Variants in ADGRB3 observed in about 807,000 individuals in gnomAD.
ADGRB3 encodes brain-specific angiogenesis inhibitor 3.
Under a neutral mutation model 193.4 loss-of-function variants are expected in ADGRB3, and 37 were observed. The ratio of observed to expected loss-of-function variants is 0.19; its 90% CI spans 0.15 to 0.25. ADGRB3 has a LOEUF of 0.25. Ranked by LOEUF, ADGRB3 falls within the 10% of genes least tolerant of loss-of-function variation. The probability of loss-of-function intolerance (pLI) is 1.00; values close to 1 mark genes in which losing one functional copy is unlikely to be tolerated. For synonymous variants in ADGRB3, 690 were observed against 644.2 expected, an observed-to-expected ratio of 1.07 and a Z score of -1.08; for missense variants, 1,637 against 1,852.9, an observed-to-expected ratio of 0.88 and a Z score of 2.14.
intron 3 of ADGRB3, among the ~76,000 whole-genome samples, chr6:68,748,732 C>G (rs1045236167): frequency 3.3e-5 from 5 of 152,150 alleles, no homozygotes; most frequent in Non-Finnish European, 5.9e-5. Flanking sequence ...AGGCAGTGCC[C>G]CAGTAGGGCC....
At chr6:69,040,309 CT>C (rs1445274677) in intron 13 of ADGRB3, among the ~76,000 whole-genome samples, 1 of 26,924 alleles carries the variant, frequency 3.7e-5, no homozygotes, top group Non-Finnish European at 7.2e-5. Context: ...TTCTCTGTCT[CT>C]TTCTTTCTTT....
At chr6:69,060,610 G>C (rs1056871270) in intron 15 of ADGRB3, among the ~76,000 whole-genome samples, 1 of 151,850 alleles carries the variant, frequency 6.6e-6, no homozygotes, top group African/African-American at 2.4e-5. Flanking sequence ...TAATCATTGG[G>C]TTTTATTAAA....
chr6:69,306,296 A>G lies in ADGRB3; in HGVS notation c.2815-18576A>G, dbSNP rs544829643. 8.6e-5 allele frequency among the ~76,000 whole-genome samples: 10 copies of G among 116,266 alleles called. 1 individual carries two copies. Among genetic ancestry groups the G allele is most frequent in the African/African-American group, 9.4e-5 (2 of 21,290 alleles). The allele number at this position is 116,266 out of a possible 152,430, so 76.3% of individuals were successfully genotyped here. ...TTGTCACGATATATTGCCATATAACATGTAACTTCTTAAAAATCAAGACCA... is the reference window on the plus strand; with the variant it reads ...TTGTCACGATATATTGCCATATAACGTGTAACTTCTTAAAAATCAAGACCA... On this transcript the variant is annotated intron_variant, in intron 20 of 31. Coordinates refer to ENST00000370598, the MANE Select transcript of ADGRB3 (RefSeq NM_001704.3).
At chr6:68,872,315 T>C (rs1198379432) in intron 3 of ADGRB3, among the ~76,000 whole-genome samples, 1 of 152,150 alleles carries the variant, frequency 6.6e-6, no homozygotes, top group African/African-American at 2.4e-5. Context: ...ACCTGTTGTA[T>C]TTATTTTACA....
intron 3 of ADGRB3, among the ~76,000 whole-genome samples, chr6:68,770,575 C>T (rs1255672494): frequency 6.6e-6 from 1 of 152,136 alleles, no homozygotes; most frequent in East Asian, 1.9e-4. Context: ...AATACTTATA[C>T]TCTGTTCTTT....
At chr6:69,272,257 G>C (rs1213520950) in intron 20 of ADGRB3, among the ~76,000 whole-genome samples, 4 of 152,120 alleles carry the variant, frequency 2.6e-5, no homozygotes, top group African/African-American at 9.7e-5. Context: ...CCCCTCACAA[G>C]GTGCTAGGGG....
At chr6:68,847,205 A>C (rs1768296929) in intron 3 of ADGRB3, among the ~76,000 whole-genome samples, 1 of 152,126 alleles carries the variant, frequency 6.6e-6, no homozygotes, top group Admixed American at 6.5e-5. Flanking sequence ...GGAAGTAACT[A>C]GCTTTCTTTT....
intron 20 of ADGRB3, among the ~76,000 whole-genome samples, chr6:69,312,259 G>A (rs1768210522): frequency 6.6e-6 from 1 of 151,726 alleles, no homozygotes; most frequent in Non-Finnish European, 1.5e-5. Context: ...GGATGTGAGG[G>A]AAATACAAGG....
intron 31 of ADGRB3, among the ~76,000 whole-genome samples, chr6:69,387,643 T>A (rs1770103336): frequency 6.6e-6 from 1 of 152,062 alleles, no homozygotes; most frequent in East Asian, 1.9e-4. Context: ...TAAGCAATCC[T>A]CCTACCTCAG....
intron 17 of ADGRB3, among the ~76,000 whole-genome samples, chr6:69,139,545 C>G (rs1218221554): frequency 6.6e-6 from 1 of 152,196 alleles, no homozygotes; most frequent in Non-Finnish European, 1.5e-5. Context: ...TATTTATATA[C>G]ATAAACTTAT....
At chr6:69,160,940 G>T (rs550503557) in intron 17 of ADGRB3, among the ~76,000 whole-genome samples, 44 of 152,128 alleles carry the variant, frequency 2.9e-4, no homozygotes, top group African/African-American at 1.0e-3. Flanking sequence ...GAGGCATGTG[G>T]CCCATTAGCT....
At chr6:68,869,625 G>T (rs1765402047) in intron 3 of ADGRB3, among the ~76,000 whole-genome samples, 1 of 152,104 alleles carries the variant, frequency 6.6e-6, no homozygotes, top group African/African-American at 2.4e-5. Context: ...GATAAAATGA[G>T]AAAAAGTCTA....
intron 17 of ADGRB3, among the ~76,000 whole-genome samples, chr6:69,161,233 T>C (rs1210271528): frequency 2.6e-5 from 4 of 152,036 alleles, no homozygotes; most frequent in Non-Finnish European, 4.4e-5. Flanking sequence ...ATAATAATAA[T>C]TTAACAGCAT....
chr6:68,715,888 T>C (rs1400146593), intron 3 of ADGRB3, among the ~76,000 whole-genome samples: 1 of 151,612 alleles, frequency 6.6e-6, no homozygotes, highest in Admixed American at 6.6e-5. Flanking sequence ...AGCCCACAAA[T>C]TGCAGGAACC....
intron 20 of ADGRB3, among the ~76,000 whole-genome samples, chr6:69,294,511 C>G (rs1767766162): frequency 6.6e-6 from 1 of 151,984 alleles, no homozygotes; most frequent in Non-Finnish European, 1.5e-5. Context: ...TAATATAGAG[C>G]CTTTGATGGC....
intron 28 of ADGRB3, among the ~76,000 whole-genome samples, chr6:69,358,923 A>C (rs1471917796): frequency 6.7e-6 from 1 of 150,098 alleles, no homozygotes; most frequent in Non-Finnish European, 1.5e-5. Context: ...ACACACACGT[A>C]TATATATATA....
chr6:68,851,674 T>C (rs954391163), intron 3 of ADGRB3, among the ~76,000 whole-genome samples: 2 of 151,980 alleles, frequency 1.3e-5, no homozygotes, highest in Non-Finnish European at 3.0e-5. Flanking sequence ...ACAAGTCTTA[T>C]TTGTAAAATT....
At chr6:68,708,006 A>G (rs1330103562) in intron 3 of ADGRB3, among the ~76,000 whole-genome samples, 1 of 152,156 alleles carries the variant, frequency 6.6e-6, no homozygotes, top group African/African-American at 2.4e-5. Flanking sequence ...GCACCCCAGC[A>G]AGCTTGACGA....
intron 17 of ADGRB3, among the ~76,000 whole-genome samples, chr6:69,102,009 C>T (rs1773071166): frequency 6.6e-6 from 1 of 151,916 alleles, no homozygotes; most frequent in Admixed American, 6.6e-5. Context: ...AACCCCATCT[C>T]TACTAAAAAT....
Sources: allele counts gnomAD v4.1 joint callset (sites outside exome capture counted in the v4.1 genomes callset), GRCh38; gene constraint gnomAD v4.1.1; transcripts MANE v1.5; gene names NCBI Gene and HGNC (gene_info 2026-07-23, HGNC 2026-07-21).